CHAF1A: variants seen among roughly 807,000 people sequenced by gnomAD.
CHAF1A encodes chromatin assembly factor 1 subunit A.
CHAF1A carries 5 observed loss-of-function variants against 93.2 expected under a neutral mutation model. The observed-to-expected ratio is 0.05, with a 90% CI of 0.03 to 0.11. The LOEUF is 0.11. Among genes scored for constraint, CHAF1A ranks in the 10% least tolerant of loss-of-function variants. The pLI is 1.00. For missense variants in CHAF1A, 1,102 were observed against 1,259.9 expected (o/e 0.87, Z 1.90); for synonymous variants, 504 against 510.3 (o/e 0.99, Z 0.17).
chr19:4,436,598 G>T (rs1032057831), intron 13 of CHAF1A, among the ~76,000 whole-genome samples: 1 of 152,212 alleles, frequency 6.6e-6, no homozygotes, highest in African/African-American at 2.4e-5. Flanking sequence ...GTACTATCTG[G>T]TTGTGTCACT....
chr19:4,430,883 G>A (rs1355492422), intron 11 of CHAF1A: 2 of 515,062 alleles, frequency 3.9e-6, no homozygotes, highest in African/African-American at 3.9e-5. Context: ...ACACCCTGGT[G>A]AGGGAGCGTG....
intron 8 of CHAF1A, 42 bp downstream of exon 8, chr19:4,428,932 T>C (rs1487903386): frequency 6.5e-7 from 1 of 1,547,030 alleles, no homozygotes; most frequent in African/African-American, 1.4e-5. Context: ...CTAGTGATGC[T>C]GGAGGCCAGC....
chr19:4,450,617 G>A, the CHAF1A span: 2 of 152,000 alleles, frequency 1.3e-5, no homozygotes, highest in Non-Finnish European at 2.9e-5. Flanking sequence ...AATCAGCTGG[G>A]CGTGGTGGCG....
At chr19:4,432,940 C>A in intron 12 of CHAF1A, 130 bp from the exon 13 acceptor site, 1 of 705,818 alleles carries the variant, frequency 1.4e-6, no homozygotes, top group Non-Finnish European at 2.3e-6. Flanking sequence ...CCTCATGAGG[C>A]CACCTATCCC....
In CHAF1A at chr19:4,409,518, T is replaced by C. The variant is rs775419724; in HGVS notation, c.719T>C (p.Val240Ala). The change falls in exon 3 of 15, where the codon GTG becomes GCG. Residue 240 changes from valine (V) to alanine (A), a missense_variant. Transcript: ENST00000301280. ...GILFKGKVPM[V>A]VLQDILAVRP... ...CTGTTCAAAGGGAAGGTGCCTATGG[T>C]GGTCTTGCAGGACATCTTGGCTGTG... 2 of 1,614,046 alleles carry C rather than the reference T, an allele frequency of 1.2e-6. No individual in the cohort carries two copies. The highest frequency in any genetic ancestry group is 1.7e-6 in the Non-Finnish European group (2 of 1,179,978).
At chr19:4,410,374 GAA>G (rs1379389110) in intron 3 of CHAF1A, among the ~76,000 whole-genome samples, 1 of 140,872 alleles carries the variant, frequency 7.1e-6, no homozygotes, top group Non-Finnish European at 1.5e-5. Context: ...CCATCTCTAT[GAA>G]AAAAAATTAC....
intron 1 of CHAF1A, among the ~76,000 whole-genome samples, chr19:4,403,510 G>A (rs1160439502): frequency 6.6e-6 from 1 of 152,264 alleles, no homozygotes; most frequent in Non-Finnish European, 1.5e-5. Context: ...CACATAGTAG[G>A]TGCTCAGTAA....
intron 7 of CHAF1A, among the ~76,000 whole-genome samples, chr19:4,427,136 C>T (rs12983640): frequency 5.9e-4 from 19 of 31,946 alleles, no homozygotes; most frequent in South Asian, 5.3e-3. Flanking sequence ...AAGACCCTGT[C>T]TTTTTTTTTT....
rs1974166679 is a variant in CHAF1A, at chr19:4,430,716, G to A, written c.1947+75G>A. The A allele has an allele frequency of 7.3e-6, 11 of 1,502,492 alleles. No individual in the cohort carries two copies. In the South Asian group the frequency reaches 1.2e-4, roughly 17 times the overall value. 93.1% of individuals were successfully genotyped at this position (1,502,492 alleles called of 1,614,324 possible). A position where few individuals can be genotyped will look rare whatever the true frequency, so the allele number is the denominator to read the frequency against. On this transcript the variant is annotated intron_variant, in intron 11 of 14. Coordinates refer to ENST00000301280, the MANE Select transcript of CHAF1A (RefSeq NM_005483.3). The stretch of plus-strand genomic sequence containing the variant: ...GACTGGTGCTCAGTGGCCTGACCTG[G>A]GAGGGTGACGGGGGTCCCAGCCCAA...
rs1453970020 is a variant in CHAF1A, at chr19:4,433,920, C to T, written c.2673+381C>T. On this transcript the variant is annotated intron_variant, in intron 13 of 14. Transcript: ENST00000301280. The surrounding 1 kb of genome is among the most constrained non-coding windows in gnomAD (Gnocchi z 5.6). The stretch of plus-strand genomic sequence containing the variant: ...TGGTGTTTTTGTGTTTTTTAAATAA[C>T]CTTACTCTTAGAGCAGTTTTAGGGT... Among the ~76,000 whole-genome samples the T allele has an allele frequency of 2.0e-5, 3 of 151,656 alleles. No homozygotes were observed. Among genetic ancestry groups the T allele is most frequent in the African/African-American group, 4.8e-5 (2 of 41,276 alleles).
intron 10 of CHAF1A, among the ~76,000 whole-genome samples, chr19:4,430,301 C>G (rs1385618217): frequency 6.6e-6 from 1 of 152,144 alleles, no homozygotes; most frequent in Non-Finnish European, 1.5e-5. Flanking sequence ...CCCCAGCCTC[C>G]CTAGTAGCTG....
Position 4,420,463 on chromosome 19 carries a change from G to A in CHAF1A, c.1018-2103G>A, listed in dbSNP as rs987303035. ...TCACCATGTTGGCCAGGCTGGTCTC[G>A]AACTCCTGACCTCAAGTAATCCGCC... On this transcript the variant is annotated intron_variant, in intron 4 of 14. Transcript: ENST00000301280. Among the ~76,000 whole-genome samples the A allele has an allele frequency of 1.4e-4, 21 of 152,062 alleles. No individual in the cohort carries two copies. In the South Asian group the frequency reaches 4.0e-3, roughly 29 times the overall value.
At chr19:4,418,409 C>CTTTTTTT (rs10549561) in intron 4 of CHAF1A, among the ~76,000 whole-genome samples, 1 of 107,072 alleles carries the variant, frequency 9.3e-6, no homozygotes, top group African/African-American at 3.5e-5. Context: ...AGTCCTGTCT[C>CTTTTTTT]TTTTTTTTTT....
At chr19:4,448,474 G>A (rs1473348820), downstream of CHAF1A, 134 of 1,388,162 alleles carry the variant, frequency 9.7e-5, 2 homozygotes, top group South Asian at 1.2e-3. Context: ...ACGGCCCTCC[G>A]CTGCCCAGGT....
downstream of CHAF1A, chr19:4,448,301 A>T (rs1430213482): frequency 1.3e-6 from 2 of 1,592,130 alleles, no homozygotes; most frequent in South Asian, 1.1e-5. Context: ...GGCAGGGCAA[A>T]GGGGCCACAC....
Position 4,433,778 on chromosome 19 carries a change from T to C in CHAF1A, c.2673+239T>C, listed in dbSNP as rs1974234072. 1.3e-5 allele frequency among the ~76,000 whole-genome samples: 2 copies of C among 151,928 alleles called. No homozygotes were observed. The highest frequency in any genetic ancestry group is 1.3e-4 in the Admixed American group (2 of 15,246). ...CACCATGCCTGGCTAATTTTTGTAT[T>C]TTTAGTAGAGACGGGGTTTCACCAT... is the stretch of plus-strand genomic sequence containing the variant. On this transcript the variant is annotated intron_variant, in intron 13 of 14. Transcript: ENST00000301280. This position sits in a 1 kb window ranked among gnomAD's most constrained non-coding sequence, Gnocchi z 5.6.
At chr19:4,445,472 G>A (rs770045495), downstream of CHAF1A, 1 of 1,613,414 alleles carries the variant, frequency 6.2e-7, no homozygotes, top group African/African-American at 1.3e-5. Context: ...CAGACCCACA[G>A]GGCTGAGGCC....
At chr19:4,419,259 G>A (rs950691330) in intron 4 of CHAF1A, among the ~76,000 whole-genome samples, 2 of 152,000 alleles carry the variant, frequency 1.3e-5, no homozygotes, top group African/African-American at 4.8e-5. Context: ...AAACTCCAGG[G>A]AAGGCCTCTG....
chr19:4,425,787 G>A (rs1014787275), intron 7 of CHAF1A, among the ~76,000 whole-genome samples: 2 of 152,202 alleles, frequency 1.3e-5, no homozygotes. Context: ...AGCATCATGA[G>A]CCATGGCCAG....
Sources: gnomAD v4.1 joint callset for allele counts (sites outside exome capture counted in the v4.1 genomes callset) on GRCh38, gnomAD v4.1.1 for gene constraint, Gnocchi (gnomAD v3.1) non-coding constraint, MANE v1.5 for transcripts, NCBI Gene and HGNC (gene_info 2026-07-23, HGNC 2026-07-21) for gene names.